The following TVP23A variants were observed in gnomAD, a reference collection of about 807,000 sequenced individuals.
TVP23A encodes the protein Golgi apparatus membrane protein TVP23 homolog A.
In TVP23A, 21 loss-of-function variants were observed where a neutral mutation model predicts 31.7. That is an observed-to-expected ratio of 0.66 (90% CI 0.47 to 0.95). The LOEUF (loss-of-function observed/expected upper bound fraction) is 0.95, where lower values mean the gene tolerates loss of function less well. Ranked by LOEUF, TVP23A falls within the 40% of genes least tolerant of loss-of-function variation. TVP23A has a pLI of 0.00. For synonymous variants in TVP23A, 104 were observed against 96.0 expected (o/e 1.08, Z -0.49); for missense variants, 279 against 255.6 (o/e 1.09, Z -0.62).
At chr16:10,761,345 G>C (rs909536976) in exon 9 of TVP23A, 5 of 1,609,958 alleles carry the variant, frequency 3.1e-6, no homozygotes, top group Non-Finnish European at 4.2e-6. Context: ...TGGAATCACT[G>C]GTCTTTTCAC....
intron 2 of TVP23A, among the ~76,000 whole-genome samples, chr16:10,796,601 A>T (rs1407359733): frequency 6.8e-6 from 1 of 147,864 alleles, no homozygotes; most frequent in African/African-American, 2.5e-5. Flanking sequence ...CCCAGCTAAT[A>T]TTTTTTTTTT....
rs1213163688 is a variant in TVP23A, at chr16:10,766,890, T to C, written c.*2212A>G. The C allele has an allele frequency of 1.3e-5, 5 of 398,496 alleles. No homozygotes were observed. The highest frequency in any genetic ancestry group is 2.2e-5 in the Non-Finnish European group (5 of 226,086). 24.7% of individuals were successfully genotyped at this position (398,496 alleles called of 1,614,324 possible). A position where few individuals can be genotyped will look rare whatever the true frequency, so the allele number is the denominator to read the frequency against. ...CCTATGGAGAGGACATTTCCTGTTATGGCTCAAGTGCGAATTGGCCTTATG... is the reference window on the plus strand; with the variant it reads ...CCTATGGAGAGGACATTTCCTGTTACGGCTCAAGTGCGAATTGGCCTTATG... On this transcript the variant is annotated 3_prime_UTR_variant, in exon 8 of 8. Coordinates refer to ENST00000299866, the MANE Select transcript of TVP23A (RefSeq NM_001079512.4). This position sits in a 1 kb window ranked among gnomAD's most constrained non-coding sequence, Gnocchi z 4.8.
At position 10,768,057 on chromosome 16, in the gene TVP23A, T is replaced by C. The variant is rs2233541; in HGVS notation, c.*1045A>G. On this transcript the variant is annotated 3_prime_UTR_variant, in exon 8 of 8. Transcript: ENST00000299866. The surrounding 1 kb of genome is among the most constrained non-coding windows in gnomAD (Gnocchi z 4.3). ...AGTAAGTATTTCCATGAGTACTAAA[T>C]GCAGATGCCTGTGGGGCAGGAAGCA... 0.32 allele frequency: 510,271 copies of C among 1,605,276 alleles called. 83,447 individuals are homozygous for C. The highest frequency in any genetic ancestry group is 0.49 in the African/African-American group (36,900 of 74,712).
At chr16:10,795,251 C>CTT (rs57002015) in intron 2 of TVP23A, among the ~76,000 whole-genome samples, 3 of 139,336 alleles carry the variant, frequency 2.2e-5, no homozygotes, top group Admixed American at 7.2e-5. Flanking sequence ...TTATATGATG[C>CTT]TTTTTTTTTT....
downstream of TVP23A, among the ~76,000 whole-genome samples, chr16:10,762,836 T>G: frequency 6.7e-6 from 1 of 149,274 alleles, no homozygotes; most frequent in East Asian, 2.0e-4. Flanking sequence ...GCGGGGCCCG[T>G]GGAGAGCCTG....
At chr16:10,798,049 G>C (rs927365935) in intron 2 of TVP23A, among the ~76,000 whole-genome samples, 1 of 146,102 alleles carries the variant, frequency 6.8e-6, no homozygotes, top group Admixed American at 7.0e-5. Flanking sequence ...TCCGCCTCCC[G>C]GGTTCAAGCA....
intron 2 of TVP23A, among the ~76,000 whole-genome samples, chr16:10,806,333 A>T (rs1173757022): frequency 2.6e-5 from 4 of 151,978 alleles, no homozygotes; most frequent in Non-Finnish European, 5.9e-5. Flanking sequence ...ACAGAGCAAG[A>T]GTCTGTCTCA....
At chr16:10,816,062 A>T (rs1264628342) in intron 2 of TVP23A, among the ~76,000 whole-genome samples, 1 of 152,200 alleles carries the variant, frequency 6.6e-6, no homozygotes, top group African/African-American at 2.4e-5. Context: ...TCTCTACAAA[A>T]TTAAATTTTT....
intron 2 of TVP23A, among the ~76,000 whole-genome samples, chr16:10,796,708 G>A (rs945217578): frequency 2.0e-5 from 3 of 152,128 alleles, no homozygotes; most frequent in African/African-American, 7.2e-5. Context: ...AAAGTGCTGG[G>A]ATTACAGGCG....
At chr16:10,775,742 T>C (rs953639501) in intron 2 of TVP23A, among the ~76,000 whole-genome samples, 15 of 146,636 alleles carry the variant, frequency 1.0e-4, no homozygotes, top group Non-Finnish European at 1.5e-5. Flanking sequence ...TAAATTGCTT[T>C]TCTTTTTTTT....
At chr16:10,809,972 G>A (rs1453055906) in intron 2 of TVP23A, among the ~76,000 whole-genome samples, 2 of 152,116 alleles carry the variant, frequency 1.3e-5, no homozygotes, top group Non-Finnish European at 2.9e-5. Context: ...CACAAAAGCA[G>A]AAACAACTCA....
chr16:10,805,093 A>T (rs541407605), intron 2 of TVP23A, among the ~76,000 whole-genome samples: 4 of 151,962 alleles, frequency 2.6e-5, no homozygotes, highest in African/African-American at 9.7e-5. Flanking sequence ...GCTGGAGTGC[A>T]GTGGTGTGAT....
downstream of TVP23A, chr16:10,762,051 G>C (rs571176690): frequency 1.3e-5 from 7 of 532,256 alleles, no homozygotes; most frequent in Admixed American, 1.3e-4. Flanking sequence ...CCTGCGGGCA[G>C]GTAGCGGGAG....
At chr16:10,790,728 C>T (rs1459896402) in intron 2 of TVP23A, among the ~76,000 whole-genome samples, 3 of 152,100 alleles carry the variant, frequency 2.0e-5, no homozygotes, top group African/African-American at 7.2e-5. Flanking sequence ...ATCCAGGCCC[C>T]TTAGATAGGA....
chr16:10,782,699 T>C (rs1481497077), intron 2 of TVP23A, among the ~76,000 whole-genome samples: 2 of 152,124 alleles, frequency 1.3e-5, no homozygotes. Context: ...AGATGGGATC[T>C]CACTATTTTG....
chr16:10,783,184 C>T (rs146642028), intron 2 of TVP23A, among the ~76,000 whole-genome samples: 2 of 152,250 alleles, frequency 1.3e-5, no homozygotes, highest in East Asian at 1.9e-4. Flanking sequence ...GTGAACCATA[C>T]GAATCTCCTG....
At chr16:10,776,589 G>C (rs1596504100) in intron 2 of TVP23A, among the ~76,000 whole-genome samples, 1 of 152,138 alleles carries the variant, frequency 6.6e-6, no homozygotes, top group Admixed American at 6.6e-5. Context: ...TGTTATACCA[G>C]AAAGGGTTTC....
At chr16:10,810,463 A>C (rs551904246) in intron 2 of TVP23A, among the ~76,000 whole-genome samples, 5 of 151,484 alleles carry the variant, frequency 3.3e-5, no homozygotes, top group Non-Finnish European at 5.9e-5. Context: ...AGGAGGATCA[A>C]TTGAGCCCGG....
At chr16:10,811,971 C>G (rs1282314662) in intron 2 of TVP23A, among the ~76,000 whole-genome samples, 1 of 149,774 alleles carries the variant, frequency 6.7e-6, no homozygotes, top group Non-Finnish European at 1.5e-5. Context: ...AACTTTTGTG[C>G]ATCAGAAGAC....
Sources: gnomAD v4.1 joint callset for allele counts (sites outside exome capture counted in the v4.1 genomes callset) on GRCh38, gnomAD v4.1.1 for gene constraint, Gnocchi (gnomAD v3.1) non-coding constraint, MANE v1.5 for transcripts, NCBI Gene and HGNC (gene_info 2026-07-23, HGNC 2026-07-21) for gene names.